The following SAXO4 variants were observed in gnomAD, a reference collection of about 807,000 sequenced individuals.
SAXO4 encodes protein phosphatase 1 regulatory subunit 32.
chr11:61,487,082 C>T, the SAXO4 span: 3 of 1,609,984 alleles, frequency 1.9e-6, no homozygotes, highest in Non-Finnish European at 1.7e-6. Context: ...CTACACCTAG[C>T]CTCCACCCCC....
the SAXO4 span, chr11:61,489,956 C>T: frequency 6.2e-7 from 1 of 1,604,094 alleles, no homozygotes; most frequent in Non-Finnish European, 8.5e-7. Flanking sequence ...GGTGGCACCA[C>T]CCCCAGCTCT....
At chr11:61,483,523 C>T in the SAXO4 span, among the ~76,000 whole-genome samples, 1 of 152,120 alleles carries the variant, frequency 6.6e-6, no homozygotes, top group South Asian at 2.1e-4. Context: ...AGCACCACCA[C>T]CAAAATGGAC....
the SAXO4 span, chr11:61,482,502 C>T: frequency 6.4e-7 from 1 of 1,565,500 alleles, no homozygotes; most frequent in Non-Finnish European, 8.8e-7. Context: ...GGATGGGGAC[C>T]CTGAGCTTTG....
chr11:61,490,249 C>T, the SAXO4 span, among the ~76,000 whole-genome samples: 25 of 152,230 alleles, frequency 1.6e-4, no homozygotes, highest in East Asian at 9.7e-4. Flanking sequence ...GAGGGGGATG[C>T]GGGGACGGAT....
chr11:61,489,009 A>T, the SAXO4 span: 2 of 152,526 alleles, frequency 1.3e-5, no homozygotes, highest in African/African-American at 2.4e-5. Context: ...GGTGTCCTGG[A>T]GGAGCAACAG....
chr11:61,485,377 C>T, the SAXO4 span: 21 of 1,614,064 alleles, frequency 1.3e-5, no homozygotes, highest in African/African-American at 1.6e-4. Flanking sequence ...TTCCAAGTAT[C>T]TCAGGGACCC....
At chr11:61,484,233 ACT>A in the SAXO4 span, among the ~76,000 whole-genome samples, 728 of 152,260 alleles carry the variant, frequency 4.8e-3, 12 homozygotes, top group African/African-American at 0.017. Flanking sequence ...ACAGAGCGAG[ACT>A]CTGTCTCAAA....
At chr11:61,482,841 C>G in the SAXO4 span, 1 of 1,562,856 alleles carries the variant, frequency 6.4e-7, no homozygotes, top group Admixed American at 2.0e-5. Context: ...GAGAGGGAAG[C>G]CTCAGGGTGG....
chr11:61,485,020 C>T, the SAXO4 span, among the ~76,000 whole-genome samples: 1 of 152,206 alleles, frequency 6.6e-6, no homozygotes, highest in Admixed American at 6.5e-5. Context: ...CGCGATTTAA[C>T]GCTACTCCTC....
the SAXO4 span, chr11:61,486,036 A>T: frequency 1.4e-6 from 1 of 712,232 alleles, no homozygotes; most frequent in Non-Finnish European, 2.3e-6. Flanking sequence ...GAAAGAGCTT[A>T]GGTGAAAACC....
chr11:61,490,062 A>C, the SAXO4 span: 2 of 1,060,706 alleles, frequency 1.9e-6, no homozygotes, highest in Non-Finnish European at 2.7e-6. Flanking sequence ...TGAGAGGCCC[A>C]TCTCCTCTGG....
At chr11:61,484,459 G>T in the SAXO4 span, among the ~76,000 whole-genome samples, 1 of 152,306 alleles carries the variant, frequency 6.6e-6, no homozygotes, top group East Asian at 1.9e-4. Context: ...AGCTAGAGCA[G>T]GGTGAGGCAC....
chr11:61,482,524 C>G, the SAXO4 span: 7,979 of 1,556,658 alleles, frequency 5.1e-3, 42 homozygotes, highest in Non-Finnish European at 5.6e-3. Context: ...CTGCCCTAGG[C>G]TGGGGGTCCT....
chr11:61,486,603 A>T, the SAXO4 span: 8 of 1,614,050 alleles, frequency 5.0e-6, no homozygotes, highest in Non-Finnish European at 5.9e-6. Flanking sequence ...AGGATTCTGA[A>T]CCCCAGAGTG....
At chr11:61,483,838 A>G in the SAXO4 span, among the ~76,000 whole-genome samples, 3 of 152,022 alleles carry the variant, frequency 2.0e-5, no homozygotes, top group Non-Finnish European at 4.4e-5. Flanking sequence ...CGCACCTATA[A>G]TCCCAGCTAC....
chr11:61,483,521 C>T, the SAXO4 span, among the ~76,000 whole-genome samples: 1 of 152,262 alleles, frequency 6.6e-6, no homozygotes, highest in East Asian at 1.9e-4. Context: ...TCAGCACCAC[C>T]ACCAAAATGG....
chr11:61,481,868 G>T, the SAXO4 span: 2 of 1,569,008 alleles, frequency 1.3e-6, no homozygotes, highest in Non-Finnish European at 1.7e-6. Context: ...AGTTCGGGGG[G>T]CTACACGGAC....
chr11:61,481,722 C>A, the SAXO4 span: 1 of 679,360 alleles, frequency 1.5e-6, no homozygotes, highest in Non-Finnish European at 2.3e-6. Flanking sequence ...CAGATCTTCG[C>A]CCCTGTGGGC....
chr11:61,484,576 G>T, the SAXO4 span: 1 of 1,370,238 alleles, frequency 7.3e-7, no homozygotes, highest in East Asian at 2.5e-5. Context: ...ATTGTAAAAG[G>T]ACCCCCTCTG....
Sources: allele counts gnomAD v4.1 joint callset (sites outside exome capture counted in the v4.1 genomes callset), GRCh38; gene constraint gnomAD v4.1.1; transcripts MANE v1.5; gene names NCBI Gene and HGNC (gene_info 2026-07-23, HGNC 2026-07-21).